MACROD1: variants seen among roughly 807,000 people sequenced by gnomAD.
MACROD1 encodes the protein mono-ADP ribosylhydrolase 1.
MACROD1 carries 31 observed loss-of-function variants against 41.4 expected under a neutral mutation model. That is an observed-to-expected ratio of 0.75 (90% CI 0.56 to 1.01). The LOEUF (loss-of-function observed/expected upper bound fraction) is 1.01, where lower values mean the gene tolerates loss of function less well. Among genes scored for constraint, MACROD1 ranks in the 50% least tolerant of loss-of-function variants. The pLI is 0.00. For missense variants in MACROD1, 473 were observed against 460.0 expected, an observed-to-expected ratio of 1.03 and a Z score of -0.26; for synonymous variants, 252 against 203.4, an observed-to-expected ratio of 1.24 and a Z score of -2.03.
chr11:64,165,599 T>C, intron 1 of MACROD1, 98 bp downstream of exon 1: 6 of 1,136,370 alleles, frequency 5.3e-6, no homozygotes, highest in Non-Finnish European at 7.0e-6. Context: ...CCCAGGTCTC[T>C]CGGGTGGAAG....
chr11:64,010,806 GTTGGTTGGGGTA>G (rs1412027684), intron 4 of MACROD1, among the ~76,000 whole-genome samples: 23 of 145,586 alleles, frequency 1.6e-4, no homozygotes, highest in African/African-American at 3.2e-4. Flanking sequence ...TGGCTGGCAT[GTTGGTTGGGGTA>G]TTGGTTGGGG....
intron 3 of MACROD1, among the ~76,000 whole-genome samples, chr11:64,094,474 G>A (rs1590898968): frequency 6.6e-6 from 1 of 151,938 alleles, no homozygotes; most frequent in East Asian, 1.9e-4. Flanking sequence ...AGCAGGCTGG[G>A]GACAAGGAAG....
rs1022454692 is a variant in MACROD1, at chr11:63,999,255, A to T, written c.891+76T>A. 4 of 1,506,138 alleles carry T rather than the reference A, an allele frequency of 2.7e-6. No individual in the cohort carries two copies. The Admixed American group carries it at 5.9e-5, about 22-fold the overall frequency. 93.3% of individuals were successfully genotyped at this position (1,506,138 alleles called of 1,614,324 possible). A position where few individuals can be genotyped will look rare whatever the true frequency, so the allele number is the denominator to read the frequency against. ...GCCTGGCCCTGCGCTCTGCACCCTG[A>T]CTCCCTGGGCGATGATGGGGGCTGG... On this transcript the variant is annotated intron_variant, in intron 8 of 10. Transcript: ENST00000255681.
intron 3 of MACROD1, among the ~76,000 whole-genome samples, chr11:64,149,831 C>T (rs1022314351): frequency 3.3e-5 from 5 of 152,256 alleles, no homozygotes; most frequent in Non-Finnish European, 7.3e-5. Flanking sequence ...GCAGCAAGAA[C>T]GCCCTTCTCC....
intron 3 of MACROD1, among the ~76,000 whole-genome samples, chr11:64,039,578 C>T (rs1162752114): frequency 1.3e-5 from 2 of 152,130 alleles, no homozygotes; most frequent in Non-Finnish European, 2.9e-5. Context: ...CGGGAGGAGA[C>T]GGGAAAAGGA....
In MACROD1 at chr11:64,082,412, C is replaced by T. The variant is rs544346819; in HGVS notation, c.518-67131G>A. On this transcript the variant is annotated intron_variant, in intron 3 of 10. Transcript: ENST00000255681. This position sits in a 1 kb window ranked among gnomAD's most constrained non-coding sequence, Gnocchi z 4.5. Reference sequence around the variant, plus strand: ...GCTGGGAGGGAGCCTGAAGTGGGGGCGTCCTAAGGTGAGGGGCAGGCAGGT... The same window carrying T: ...GCTGGGAGGGAGCCTGAAGTGGGGGTGTCCTAAGGTGAGGGGCAGGCAGGT... Among the ~76,000 whole-genome samples, 10 of 151,120 alleles carry T rather than the reference C, an allele frequency of 6.6e-5. No homozygotes were observed. The highest frequency in any genetic ancestry group is 2.0e-4 in the East Asian group (1 of 5,104).
chr11:64,117,430 C>T lies in MACROD1; in HGVS notation c.517+33809G>A, dbSNP rs961517144. 4 of 1,612,698 alleles carry T rather than the reference C, an allele frequency of 2.5e-6. No homozygotes were observed. Among genetic ancestry groups the T allele is most frequent in the Non-Finnish European group, 3.4e-6 (4 of 1,179,148 alleles). Reference sequence around the variant, plus strand: ...GAGACGGGGCCGCAGGGCGGCGTGGCCAATGCGGCTGCCAAGACCACGGCC... The same window carrying T: ...GAGACGGGGCCGCAGGGCGGCGTGGTCAATGCGGCTGCCAAGACCACGGCC... On this transcript the variant is annotated intron_variant, in intron 3 of 10. Coordinates refer to ENST00000255681, the MANE Select transcript of MACROD1 (RefSeq NM_014067.4).
Position 64,000,072 on chromosome 11 carries a change from G to A in MACROD1, c.664+155C>T, listed in dbSNP as rs772682680. The A allele has an allele frequency of 2.2e-3, 1,435 of 650,944 alleles. 1 individual carries two copies. The highest frequency in any genetic ancestry group is 3.2e-3 in the Non-Finnish European group (1,228 of 383,008). The allele number at this position is 650,944 out of a possible 1,614,324, so 40.3% of individuals were successfully genotyped here. A position where few individuals can be genotyped will look rare whatever the true frequency, so the allele number is the denominator to read the frequency against. On this transcript the variant is annotated intron_variant, in intron 5 of 10. Coordinates refer to ENST00000255681, the MANE Select transcript of MACROD1 (RefSeq NM_014067.4). The stretch of plus-strand genomic sequence containing the variant: ...CGGTCTCCCCCATGTGCTTCCTGGG[G>A]TGTGCGGGGTGGGGGCCGGGTCTTG...
intron 3 of MACROD1, among the ~76,000 whole-genome samples, chr11:64,115,161 C>T (rs781415144): frequency 7.2e-5 from 11 of 152,210 alleles, no homozygotes; most frequent in Non-Finnish European, 1.3e-4. Context: ...CTTTTGCTGG[C>T]TGCATGAAGA....
chr11:64,018,754 G>A (rs1943115104), intron 3 of MACROD1, among the ~76,000 whole-genome samples: 1 of 152,240 alleles, frequency 6.6e-6, no homozygotes, highest in Non-Finnish European at 1.5e-5. Context: ...TCCAGAGGAG[G>A]AAACTGAGGC....
Position 64,117,920 on chromosome 11 carries a change from G to A in MACROD1, c.517+33319C>T, listed in dbSNP as rs373807742. ...AGAACGCTGGCCCCATGGCGAGCCTGCCCCTGGCGGGCATCATCGGCGGGG... is the reference window on the plus strand; with the variant it reads ...AGAACGCTGGCCCCATGGCGAGCCTACCCCTGGCGGGCATCATCGGCGGGG... On this transcript the variant is annotated intron_variant, in intron 3 of 10. Transcript: ENST00000255681. The A allele has an allele frequency of 1.8e-4, 294 of 1,613,896 alleles. 1 individual carries two copies. The highest frequency in any genetic ancestry group is 3.3e-4 in the Middle Eastern group (2 of 6,062).
chr11:64,014,746 G>T (rs183312123), intron 4 of MACROD1, among the ~76,000 whole-genome samples: 3 of 152,214 alleles, frequency 2.0e-5, no homozygotes, highest in Non-Finnish European at 4.4e-5. Flanking sequence ...CCTCCTGCCT[G>T]CCTGGCCCTT....
intron 1 of MACROD1, among the ~76,000 whole-genome samples, chr11:64,159,786 C>A (rs1465522373): frequency 1.3e-5 from 2 of 152,134 alleles, no homozygotes; most frequent in African/African-American, 4.8e-5. Context: ...AAGAGCGAAA[C>A]TCGGTCTCAA....
intron 3 of MACROD1, among the ~76,000 whole-genome samples, chr11:64,017,260 C>T (rs544773828): frequency 2.0e-5 from 3 of 152,250 alleles, no homozygotes; most frequent in South Asian, 2.1e-4. Flanking sequence ...TGTGAGCCAC[C>T]GCGCCTGGGC....
Position 64,122,099 on chromosome 11 carries a change from T to C in MACROD1, c.517+29140A>G, listed in dbSNP as rs1488781707. 2.6e-5 allele frequency among the ~76,000 whole-genome samples: 4 copies of C among 152,194 alleles called. No homozygotes were observed. Among genetic ancestry groups the C allele is most frequent in the South Asian group, 4.1e-4 (2 of 4,832 alleles). On this transcript the variant is annotated intron_variant, in intron 3 of 10. Coordinates refer to ENST00000255681, the MANE Select transcript of MACROD1 (RefSeq NM_014067.4). This position sits in a 1 kb window ranked among gnomAD's most constrained non-coding sequence, Gnocchi z 4.0. ...CAGCTCAGGCGTGGGGCCCAATGTA[T>C]GGAATGCTTAAGAGATTACTAAAAA...
intron 3 of MACROD1, among the ~76,000 whole-genome samples, chr11:64,099,758 A>G (rs1161027930): frequency 1.3e-5 from 2 of 151,138 alleles, no homozygotes; most frequent in Non-Finnish European, 2.9e-5. Flanking sequence ...ATGGGTTGAC[A>G]GATGGAGAGA....
chr11:64,035,991 C>T (rs1461611664), intron 3 of MACROD1: 2 of 150,420 alleles, frequency 1.3e-5, no homozygotes, highest in Non-Finnish European at 3.0e-5. Context: ...CGCGCGCCCC[C>T]CGCTCCGGGC....
chr11:64,058,845 G>T (rs2000515), intron 3 of MACROD1, among the ~76,000 whole-genome samples: 24,355 of 152,118 alleles, frequency 0.16, 3,384 homozygotes, highest in East Asian at 0.4. Context: ...CCGGCAAGGG[G>T]GGGTAGGACC....
intron 3 of MACROD1, among the ~76,000 whole-genome samples, chr11:64,136,417 T>C (rs1945333591): frequency 6.6e-6 from 1 of 152,166 alleles, no homozygotes; most frequent in Non-Finnish European, 1.5e-5. Flanking sequence ...TCTCAGGCCA[T>C]GACTGTGATG....
Sources: allele counts gnomAD v4.1 joint callset (sites outside exome capture counted in the v4.1 genomes callset), GRCh38; gene constraint gnomAD v4.1.1; non-coding constraint Gnocchi (gnomAD v3.1); transcripts MANE v1.5; gene names NCBI Gene and HGNC (gene_info 2026-07-23, HGNC 2026-07-21).